Variants in EEF1B2 observed in about 807,000 individuals in gnomAD.
The protein encoded by EEF1B2 is eukaryotic translation elongation factor 1 beta 2, also known as elongation factor 1-beta.
Under a neutral mutation model 28.3 loss-of-function variants are expected in EEF1B2, and 12 were observed. The observed-to-expected ratio is 0.42, with a 90% CI of 0.27 to 0.69. The LOEUF is 0.69. EEF1B2 is among the 30% of genes least tolerant of loss of function. The pLI, the probability that EEF1B2 is intolerant of heterozygous loss-of-function variation, is 0.22. For missense variants in EEF1B2, 234 were observed against 272.6 expected, an observed-to-expected ratio of 0.86 and a Z score of 1.00; for synonymous variants, 83 against 99.9, an observed-to-expected ratio of 0.83 and a Z score of 1.01.
chr2:206,161,856 A>G (rs376127362), intron 3 of EEF1B2, 182 bp from the exon 4 acceptor site: 9 of 756,302 alleles, frequency 1.2e-5, no homozygotes, highest in African/African-American at 8.5e-5. Flanking sequence ...GCTTTAATTT[A>G]TATGCCTTTT....
intron 2 of EEF1B2, 89 bp from the exon 3 acceptor site, chr2:206,161,257 T>G (rs959882154): frequency 6.4e-7 from 1 of 1,560,410 alleles, no homozygotes; most frequent in African/African-American, 1.4e-5. Context: ...GATCTAGTGA[T>G]AAGTAGTGAT....
rs765192572 is a variant in EEF1B2, at chr2:206,162,035, C to T, written c.331-3C>T. 7 of 1,613,616 alleles carry T rather than the reference C, an allele frequency of 4.3e-6. No individual in the cohort carries two copies. On this transcript the variant is annotated splice_region_variant and splice_polypyrimidine_tract_variant and intron_variant, in intron 3 of 5. Coordinates refer to ENST00000392222, the MANE Select transcript of EEF1B2 (RefSeq NM_001959.4). ...GAAGTGGATTAATTTTTTTTCTTTACAGGAAAGTGAAGAAGCAAAGAGGCT... is the reference window on the plus strand; with the variant it reads ...GAAGTGGATTAATTTTTTTTCTTTATAGGAAAGTGAAGAAGCAAAGAGGCT...
At chr2:206,160,519 G>A in intron 1 of EEF1B2, 69 bp from the exon 2 acceptor site, 1 of 1,611,120 alleles carries the variant, frequency 6.2e-7, no homozygotes, top group Non-Finnish European at 8.5e-7. Context: ...GATGCATACG[G>A]TATTTATTAT....
At chr2:206,160,783 ACTGGACCCAGG>A in intron 2 of EEF1B2, 73 bp downstream of exon 2, 1 of 1,611,170 alleles carries the variant, frequency 6.2e-7, no homozygotes, top group Non-Finnish European at 8.5e-7. Context: ...ACATGACAAA[ACTGGACCCAGG>A]CTACTTTAGT....
Position 206,162,632 on chromosome 2 carries a change from C to CT in EEF1B2, c.523+29dup, listed in dbSNP as rs753151319. 14,622 of 1,036,318 alleles carry CT rather than the reference C, an allele frequency of 0.014. 48 individuals are homozygous for CT. The highest frequency in any genetic ancestry group is 0.046 in the African/African-American group (2,825 of 61,600). 64.2% of individuals were successfully genotyped at this position (1,036,318 alleles called of 1,614,324 possible). ...GGGCTCATGTGAGTTTAGGCTTTGC[C>CT]TTTTTTTTTTTGAAACTAACATCTG... On this transcript the variant is annotated intron_variant, in intron 5 of 5. Transcript: ENST00000392222.
intron 2 of EEF1B2, 143 bp downstream of exon 2, chr2:206,160,853 A>G (rs1002736599): frequency 1.6e-6 from 2 of 1,250,412 alleles, no homozygotes; most frequent in South Asian, 1.3e-5. Flanking sequence ...TAGAAGGCCA[A>G]GAGACTGAAG....
At position 206,160,437 on chromosome 2, in the gene EEF1B2, A is replaced by G. The variant is rs528427960; in HGVS notation, c.81-151A>G. 12 of 1,383,838 alleles carry G rather than the reference A, an allele frequency of 8.7e-6. No individual in the cohort carries two copies. In the African/African-American group the frequency reaches 1.3e-4, roughly 15 times the overall value. 85.7% of individuals were successfully genotyped at this position (1,383,838 alleles called of 1,614,324 possible). On this transcript the variant is annotated intron_variant, in intron 1 of 5. Transcript: ENST00000392222. ...CGCGGTGACCCAAACATATGGTTTG[A>G]TTTGAAGGAGCTAATAAGAAAAGAA... is the stretch of plus-strand genomic sequence containing the variant.
intron 4 of EEF1B2, 185 bp from the exon 5 acceptor site, chr2:206,162,299 TAACAC>T (rs777073785): frequency 2.2e-5 from 25 of 1,145,098 alleles, no homozygotes; most frequent in Non-Finnish European, 2.8e-5. Flanking sequence ...AAGAAACTGT[TAACAC>T]AAACACCTCT....
At position 206,162,057 on chromosome 2, in the gene EEF1B2, G is replaced by A. The variant is rs377257749; in HGVS notation, c.350G>A (p.Arg117Lys). 7 of 1,613,988 alleles carry A rather than the reference G, an allele frequency of 4.3e-6. No homozygotes were observed. The highest frequency in any genetic ancestry group is 1.7e-5 in the Admixed American group (1 of 60,008). Reference protein sequence around the residue: ...DDEEESEEAKRLREERLAQYE... With the variant: ...DDEEESEEAKKLREERLAQYE... ...TTACAGGAAAGTGAAGAAGCAAAGA[G>A]GCTAAGGGAAGAACGTCTTGCACAA... The change falls in exon 4 of 6, where the codon AGG becomes AAG. Residue 117 changes from arginine (R) to lysine (K), a missense_variant. This residue lies in a region of EEF1B2 where 178 missense variants were observed against 173.3 expected (regional missense o/e 1.03). Transcript: ENST00000392222.
chr2:206,161,015 T>G, intron 2 of EEF1B2: 1 of 639,942 alleles, frequency 1.6e-6, no homozygotes, highest in South Asian at 1.5e-5. Context: ...GCCATTCTTC[T>G]GAAACTGCCA....
At position 206,161,598 on chromosome 2, in the gene EEF1B2, T is replaced by C. The variant is rs1030581344; in HGVS notation, c.330+126T>C. 13 of 1,222,896 alleles carry C rather than the reference T, an allele frequency of 1.1e-5. No homozygotes were observed. In the East Asian group the frequency reaches 3.2e-4, roughly 30 times the overall value. 75.8% of individuals were successfully genotyped at this position (1,222,896 alleles called of 1,614,324 possible). On this transcript the variant is annotated intron_variant, in intron 3 of 5. Coordinates refer to ENST00000392222, the MANE Select transcript of EEF1B2 (RefSeq NM_001959.4). ...GAGTTGAAGACCAGCCTGGCCAAGA[T>C]GGTGAAACCCTGTCTGTACTAAAAA...
chr2:206,162,281 C>T (rs376795945), intron 4 of EEF1B2, 177 bp downstream of exon 4: 1 of 1,104,404 alleles, frequency 9.1e-7, no homozygotes, highest in African/African-American at 1.5e-5. Context: ...TGGCATTCCT[C>T]TGTGGGAAAG....
At chr2:206,159,645 C>T (rs903515167), upstream of EEF1B2, 3 of 245,022 alleles carry the variant, frequency 1.2e-5, no homozygotes, top group African/African-American at 4.5e-5. Flanking sequence ...ATCTCCGGCG[C>T]TTCTAGGGCT....
At position 206,159,928 on chromosome 2, in the gene EEF1B2, A is replaced by G. The variant is rs573547088; in HGVS notation, c.-52A>G. On this transcript the variant is annotated 5_prime_UTR_variant, in exon 1 of 6. Transcript: ENST00000392222. Reference sequence around the variant, plus strand: ...CTCTCTTCAGCGTGGGGCGCCCACAATTTGCGCGCTCTCTTTCTGCTGCTC... The same window carrying G: ...CTCTCTTCAGCGTGGGGCGCCCACAGTTTGCGCGCTCTCTTTCTGCTGCTC... The G allele has an allele frequency of 1.5e-5, 24 of 1,590,750 alleles. No individual in the cohort carries two copies. Among genetic ancestry groups the G allele is most frequent in the African/African-American group, 1.1e-4 (8 of 73,254 alleles).
intron 3 of EEF1B2, 196 bp from the exon 4 acceptor site, chr2:206,161,842 C>G (rs780610023): frequency 4.0e-6 from 3 of 745,012 alleles, no homozygotes; most frequent in Non-Finnish European, 7.4e-6. Context: ...GGATTTGAAT[C>G]CTGGCTTTAA....
intron 3 of EEF1B2, 44 bp from the exon 4 acceptor site, chr2:206,161,994 G>T: frequency 1.3e-6 from 2 of 1,564,676 alleles, no homozygotes; most frequent in African/African-American, 1.4e-5. Flanking sequence ...TTAAGCAGAG[G>T]AACAACCAGC....
chr2:206,161,465 A>G lies in EEF1B2; in HGVS notation c.323A>G (p.Asp108Gly), dbSNP rs766587437. 8 of 1,613,752 alleles carry G rather than the reference A, an allele frequency of 5.0e-6. 1 individual carries two copies. The South Asian group carries it at 8.8e-5, about 18-fold the overall frequency. The stretch of plus-strand genomic sequence containing the variant: ...GACATTGACCTCTTTGGATCTGATG[A>G]TGAGGAGGTATGGCGTCTTCTATAA... ...DDDIDLFGSD[D>G]EEESEEAKRL... Residue 108 changes from aspartate to glycine, a missense_variant, in exon 3 of 6, where the codon GAT (aspartate) becomes GGT (glycine). Coordinates refer to ENST00000392222, the MANE Select transcript of EEF1B2 (RefSeq NM_001959.4).
chr2:206,162,815 G>C lies in EEF1B2; in HGVS notation c.610G>C (p.Glu204Gln). The C allele has an allele frequency of 6.2e-7, 1 of 1,606,404 alleles. No individual in the cohort carries two copies. The highest frequency in any genetic ancestry group is 1.1e-5 in the South Asian group (1 of 91,050). ...EDDKVGTDML[E>Q]EQITAFEDYV... ...TGATAAAGTTGGAACAGATATGCTGGAGGAGCAGATCACTGCTTTTGAGGA... is the reference window on the plus strand; with the variant it reads ...TGATAAAGTTGGAACAGATATGCTGCAGGAGCAGATCACTGCTTTTGAGGA... Residue 204 changes from glutamate (E) to glutamine (Q), a missense_variant, in exon 6 of 6, where the codon GAG (glutamate) becomes CAG (glutamine). Glu to Gln is a conservative substitution (Grantham distance 29, BLOSUM62 2). This residue lies in a region of EEF1B2 where 56 missense variants were observed against 99.3 expected (regional missense o/e 0.56). Coordinates refer to ENST00000392222, the MANE Select transcript of EEF1B2 (RefSeq NM_001959.4).
At position 206,160,864 on chromosome 2, in the gene EEF1B2, C is replaced by T. The variant is rs1687906205; in HGVS notation, c.203+154C>T. 5.2e-6 allele frequency: 6 copies of T among 1,163,730 alleles called. No individual in the cohort carries two copies. The East Asian group carries it at 7.6e-5, about 15-fold the overall frequency. The allele number at this position is 1,163,730 out of a possible 1,614,324, so 72.1% of individuals were successfully genotyped here. On this transcript the variant is annotated intron_variant, in intron 2 of 5. Coordinates refer to ENST00000392222, the MANE Select transcript of EEF1B2 (RefSeq NM_001959.4). The stretch of plus-strand genomic sequence containing the variant: ...ACCTTAGAAGGCCAAGAGACTGAAG[C>T]CCTCCATTTTTTCACAGAACAGGTA...
Sources: allele counts gnomAD v4.1 joint callset, GRCh38; gene constraint gnomAD v4.1.1; regional missense constraint gnomAD v4.1.1; transcripts MANE v1.5; gene names NCBI Gene and HGNC (gene_info 2026-07-23, HGNC 2026-07-21).